ERBB4: variants seen among roughly 807,000 people sequenced by gnomAD.
ERBB4 encodes receptor tyrosine-protein kinase erbB-4.
A neutral mutation model predicts 158.0 loss-of-function variants in ERBB4; 42 were observed. That is an observed-to-expected ratio of 0.27 (90% CI 0.21 to 0.34). ERBB4 has a LOEUF of 0.34. Ranked by LOEUF, ERBB4 falls within the 10% of genes least tolerant of loss-of-function variation. ERBB4 has a pLI of 1.00. For missense variants in ERBB4, 1,333 were observed against 1,624.1 expected (o/e 0.82, Z 3.08); for synonymous variants, 583 against 558.7 (o/e 1.04, Z -0.61).
intron 3 of ERBB4, among the ~76,000 whole-genome samples, chr2:211,874,294 G>A (rs888374931): frequency 6.6e-6 from 1 of 152,068 alleles, no homozygotes; most frequent in Non-Finnish European, 1.5e-5. Flanking sequence ...CAATAAGAGA[G>A]CTCCTTTAAT....
chr2:212,080,391 C>T (rs1157993010), intron 2 of ERBB4, among the ~76,000 whole-genome samples: 1 of 149,958 alleles, frequency 6.7e-6, no homozygotes, highest in African/African-American at 2.5e-5. Context: ...ACAGAATAGG[C>T]AAGAAAAAAT....
intron 1 of ERBB4, among the ~76,000 whole-genome samples, chr2:212,292,790 T>C (rs1174286271): frequency 2.0e-5 from 3 of 152,062 alleles, no homozygotes; most frequent in Admixed American, 2.0e-4. Context: ...CTGCGTGAAA[T>C]TGAAAGATAA....
chr2:211,916,167 A>G (rs774921061), intron 3 of ERBB4, among the ~76,000 whole-genome samples: 2 of 151,530 alleles, frequency 1.3e-5, no homozygotes, highest in Non-Finnish European at 2.9e-5. Context: ...AATTATTATT[A>G]TTATTATTAT....
chr2:211,406,935 C>G (rs114672305), intron 25 of ERBB4, among the ~76,000 whole-genome samples: 2,349 of 151,940 alleles, frequency 0.015, 54 homozygotes, highest in African/African-American at 0.054. Flanking sequence ...AAAAAATTAG[C>G]TGGGTTTGAT....
intron 3 of ERBB4, among the ~76,000 whole-genome samples, chr2:211,871,751 T>A (rs1164586080): frequency 6.6e-6 from 1 of 152,178 alleles, no homozygotes; most frequent in East Asian, 1.9e-4. Context: ...CTATTACAAA[T>A]CACTTTTAAA....
At chr2:212,169,567 A>G (rs2081451278) in intron 1 of ERBB4, among the ~76,000 whole-genome samples, 1 of 152,176 alleles carries the variant, frequency 6.6e-6, no homozygotes, top group Admixed American at 6.5e-5. Context: ...TCTAGAAGGA[A>G]ACTTAGGCAA....
chr2:211,399,903 A>G (rs1263597376), intron 25 of ERBB4, among the ~76,000 whole-genome samples: 2 of 152,176 alleles, frequency 1.3e-5, no homozygotes, highest in African/African-American at 4.8e-5. Flanking sequence ...TCCTTTCTCT[A>G]CAAGTGGTAC....
chr2:212,161,657 A>C (rs1295550217), intron 1 of ERBB4, among the ~76,000 whole-genome samples: 1 of 151,898 alleles, frequency 6.6e-6, no homozygotes, highest in African/African-American at 2.4e-5. Context: ...AAGACAACTT[A>C]TATTTAAAGT....
At chr2:211,817,066 G>A (rs574219569) in intron 3 of ERBB4, among the ~76,000 whole-genome samples, 2 of 152,300 alleles carry the variant, frequency 1.3e-5, no homozygotes, top group East Asian at 3.9e-4. Context: ...TAGTTTTAAT[G>A]TGAAAGTGCA....
chr2:211,733,435 A>T (rs1320399753), intron 5 of ERBB4, among the ~76,000 whole-genome samples: 2 of 151,988 alleles, frequency 1.3e-5, no homozygotes, highest in African/African-American at 2.4e-5. Context: ...GAAGAGTATG[A>T]ATCTGCGTAA....
chr2:212,083,319 G>C (rs946077023), intron 2 of ERBB4, among the ~76,000 whole-genome samples: 1 of 151,862 alleles, frequency 6.6e-6, no homozygotes, highest in African/African-American at 2.4e-5. Context: ...TTCTCAGATG[G>C]TGGGAAAACC....
intron 1 of ERBB4, among the ~76,000 whole-genome samples, chr2:212,277,183 C>T (rs73066368): frequency 0.04 from 6,099 of 151,666 alleles, 140 homozygotes; most frequent in African/African-American, 0.066. Flanking sequence ...CAGTGGGCTG[C>T]GATACACATT....
intron 1 of ERBB4, among the ~76,000 whole-genome samples, chr2:212,384,920 T>TATACAC (rs764463489): frequency 5.3e-4 from 65 of 123,764 alleles, no homozygotes; most frequent in African/African-American, 2.1e-3. Flanking sequence ...TATATATATA[T>TATACAC]ACACACACAC....
intron 19 of ERBB4, among the ~76,000 whole-genome samples, chr2:211,592,449 A>T (rs760891318): frequency 1.3e-5 from 2 of 152,188 alleles, no homozygotes; most frequent in Non-Finnish European, 2.9e-5. Flanking sequence ...GTAAAAACAA[A>T]GTTGGGCATT....
chr2:211,944,655 A>C (rs1213668831), intron 3 of ERBB4, among the ~76,000 whole-genome samples: 1 of 152,160 alleles, frequency 6.6e-6, no homozygotes, highest in East Asian at 1.9e-4. Flanking sequence ...TGAAGAATTC[A>C]ACTGGATATT....
At chr2:211,645,470 T>C (rs894135612) in intron 16 of ERBB4, among the ~76,000 whole-genome samples, 2 of 151,772 alleles carry the variant, frequency 1.3e-5, no homozygotes, top group African/African-American at 4.8e-5. Context: ...TGTTGAAATA[T>C]TACAGATACA....
intron 1 of ERBB4, among the ~76,000 whole-genome samples, chr2:212,166,037 G>A (rs2081337049): frequency 6.6e-6 from 1 of 151,376 alleles, no homozygotes; most frequent in Non-Finnish European, 1.5e-5. Flanking sequence ...AGAAAGTTGT[G>A]CTCTGATAAC....
At position 211,679,057 on chromosome 2, in the gene ERBB4, A is replaced by G. The variant is rs367762241; in HGVS notation, c.1617T>C (p.Tyr539=). Residue 539 remains tyrosine, a synonymous_variant, in exon 13 of 28, where the codon TAT becomes TAC. Transcript: ENST00000342788. ...GRICIESCNL[Y]DGEFREFENG... is the part of the protein sequence containing the mutation. ...AACCCTAGAAGAAGCCTTACCCATC[A>G]TAGAGGTTACAAGACTCTATGCAGA... The G allele has an allele frequency of 1.7e-5, 28 of 1,613,078 alleles. No individual in the cohort carries two copies. The highest frequency in any genetic ancestry group is 2.4e-5 in the Non-Finnish European group (28 of 1,179,602).
At chr2:211,745,490 C>T (rs1004203804) in intron 5 of ERBB4, among the ~76,000 whole-genome samples, 1 of 152,046 alleles carries the variant, frequency 6.6e-6, no homozygotes, top group Non-Finnish European at 1.5e-5. Flanking sequence ...TTCCATGTCC[C>T]AGCCACCAGG....
Sources: gnomAD v4.1 joint callset for allele counts (sites outside exome capture counted in the v4.1 genomes callset) on GRCh38, gnomAD v4.1.1 for gene constraint, MANE v1.5 for transcripts, NCBI Gene and HGNC (gene_info 2026-07-23, HGNC 2026-07-21) for gene names.